DYRK1A: variants seen among roughly 807,000 people sequenced by gnomAD.
DYRK1A encodes dual specificity tyrosine phosphorylation regulated kinase 1A.
Under a neutral mutation model 79.7 loss-of-function variants are expected in DYRK1A, and 9 were observed. That is an observed-to-expected ratio of 0.11 (90% CI 0.07 to 0.20). The LOEUF is 0.20. DYRK1A is among the 10% of genes least tolerant of loss of function. The pLI is 1.00. For synonymous variants in DYRK1A, 349 were observed against 329.7 expected (o/e 1.06, Z -0.63); for missense variants, 622 against 956.0 (o/e 0.65, Z 4.61).
intron 2 of DYRK1A, among the ~76,000 whole-genome samples, chr21:37,459,118 A>T (rs2051756365): frequency 6.6e-6 from 1 of 152,154 alleles, no homozygotes; most frequent in Non-Finnish European, 1.5e-5. Flanking sequence ...TGAAATCAAG[A>T]CGTCTGATAA....
In DYRK1A at chr21:37,482,555, C is replaced by T. The variant is rs182543014; in HGVS notation, c.489+1729C>T. Among the ~76,000 whole-genome samples the T allele has an allele frequency of 2.0e-3, 310 of 152,232 alleles. 5 individuals carry two copies. Among genetic ancestry groups the T allele is most frequent in the Non-Finnish European group, 1.7e-3 (115 of 68,006 alleles). On this transcript the variant is annotated intron_variant, in intron 5 of 11. Transcript: ENST00000647188. ...TGGAGGCAGGGCGAGATCGCAGGAC[C>T]ACAGGACCAGGGCGAAATTAAAATT...
intron 1 of DYRK1A, among the ~76,000 whole-genome samples, chr21:37,403,066 A>G (rs2050081933): frequency 6.6e-6 from 1 of 151,958 alleles, no homozygotes; most frequent in Non-Finnish European, 1.5e-5. Context: ...TCCCTGGCCT[A>G]GATTAGATAG....
chr21:37,368,726 T>A (rs903464400), intron 1 of DYRK1A, among the ~76,000 whole-genome samples: 1 of 152,138 alleles, frequency 6.6e-6, no homozygotes, highest in Non-Finnish European at 1.5e-5. Context: ...TGGTCTAAGG[T>A]CATACAGCTG....
At chr21:37,392,527 C>T (rs1053883404) in intron 1 of DYRK1A, among the ~76,000 whole-genome samples, 7 of 152,312 alleles carry the variant, frequency 4.6e-5, no homozygotes, top group South Asian at 2.1e-4. Flanking sequence ...AAGGCACCAG[C>T]GGATTCGGTG....
At position 37,499,537 on chromosome 21, in the gene DYRK1A, G is replaced by C. The variant is rs139353885; in HGVS notation, c.1212+3279G>C. On this transcript the variant is annotated intron_variant, in intron 9 of 11. Coordinates refer to ENST00000647188, the MANE Select transcript of DYRK1A (RefSeq NM_001347721.2). ...AAAATGGACATCTTAACAATATTAA[G>C]TCTTCCACTCTGTAAAGATGGGTTA... Among the ~76,000 whole-genome samples the C allele has an allele frequency of 6.7e-3, 1,021 of 152,228 alleles. 7 individuals carry two copies. The highest frequency in any genetic ancestry group is 0.023 in the African/African-American group (951 of 41,548).
At chr21:37,409,500 A>G (rs1022346475) in intron 1 of DYRK1A, among the ~76,000 whole-genome samples, 4 of 152,118 alleles carry the variant, frequency 2.6e-5, no homozygotes, top group Non-Finnish European at 5.9e-5. Flanking sequence ...ATTGTCATGA[A>G]CTTTTTAACT....
intron 6 of DYRK1A, chr21:37,488,704 C>CT: frequency 1.0e-6 from 1 of 985,366 alleles, no homozygotes; most frequent in Non-Finnish European, 1.2e-6. Flanking sequence ...TCAAGTGAAA[C>CT]TAAGTAGATC....
chr21:37,442,769 G>A (rs1259650562), intron 2 of DYRK1A, among the ~76,000 whole-genome samples: 1 of 152,022 alleles, frequency 6.6e-6, no homozygotes, highest in Non-Finnish European at 1.5e-5. Flanking sequence ...CAATTTGGGT[G>A]TCTTAAAAAT....
chr21:37,386,128 AG>A (rs2049755087), intron 1 of DYRK1A, among the ~76,000 whole-genome samples: 2 of 152,334 alleles, frequency 1.3e-5, no homozygotes, highest in South Asian at 4.1e-4. Context: ...TTGATAGGGT[AG>A]GATTCAAACC....
intron 7 of DYRK1A, among the ~76,000 whole-genome samples, chr21:37,490,764 T>A (rs1424623614): frequency 6.6e-6 from 1 of 151,938 alleles, no homozygotes; most frequent in Non-Finnish European, 1.5e-5. Context: ...AGCAATACTT[T>A]GAGTCAAAAG....
At position 37,422,820 on chromosome 21, in the gene DYRK1A, A is replaced by G. The variant is rs1471940339; in HGVS notation, c.10+2436A>G. On this transcript the variant is annotated intron_variant, in intron 2 of 11. Transcript: ENST00000647188. ...CAATAAAGCTGGTGGGAGGAGAGAAAAAAATAGTTTTACTGAACACTAGGC... is the reference window on the plus strand; with the variant it reads ...CAATAAAGCTGGTGGGAGGAGAGAAGAAAATAGTTTTACTGAACACTAGGC... Among the ~76,000 whole-genome samples, 7 of 152,288 alleles carry G rather than the reference A, an allele frequency of 4.6e-5. No individual in the cohort carries two copies. The East Asian group carries it at 9.6e-4, about 21-fold the overall frequency.
chr21:37,402,481 A>G (rs2835713), intron 1 of DYRK1A, among the ~76,000 whole-genome samples: 31,109 of 152,134 alleles, frequency 0.2, 3,412 homozygotes, highest in East Asian at 0.36. Flanking sequence ...GGTAATGACT[A>G]TCTTTATTCC....
intron 8 of DYRK1A, among the ~76,000 whole-genome samples, chr21:37,494,310 C>T (rs2053191969): frequency 1.3e-5 from 2 of 151,318 alleles, no homozygotes; most frequent in African/African-American, 4.9e-5. Flanking sequence ...TGGGCTTAAA[C>T]AATATTAAAA....
chr21:37,439,553 C>T (rs60777827), intron 2 of DYRK1A, among the ~76,000 whole-genome samples: 67,433 of 151,992 alleles, frequency 0.44, 15,699 homozygotes, highest in East Asian at 0.57. Flanking sequence ...CCTCTTTTCA[C>T]GTCACCTGAA....
At chr21:37,480,073 A>G (rs2052582251) in intron 4 of DYRK1A, among the ~76,000 whole-genome samples, 1 of 152,182 alleles carries the variant, frequency 6.6e-6, no homozygotes, top group Non-Finnish European at 1.5e-5. Context: ...CAGAGGGCCT[A>G]TTTATTTTAG....
intron 1 of DYRK1A, among the ~76,000 whole-genome samples, chr21:37,417,173 A>G (rs1159874706): frequency 6.6e-6 from 1 of 151,894 alleles, no homozygotes; most frequent in African/African-American, 2.4e-5. Context: ...TACATTCTGG[A>G]TCTCTGTTTA....
intron 1 of DYRK1A, among the ~76,000 whole-genome samples, chr21:37,378,446 T>G: frequency 6.6e-6 from 1 of 152,172 alleles, no homozygotes; most frequent in Non-Finnish European, 1.5e-5. Flanking sequence ...GCAGGAGAAT[T>G]GCTTGAACCT....
intron 2 of DYRK1A, among the ~76,000 whole-genome samples, chr21:37,465,626 C>T (rs1002458922): frequency 6.6e-6 from 1 of 152,094 alleles, no homozygotes; most frequent in Non-Finnish European, 1.5e-5. Context: ...CACCTGAGGT[C>T]AGGAGTTCAA....
intron 2 of DYRK1A, among the ~76,000 whole-genome samples, chr21:37,460,703 T>C (rs2051811883): frequency 6.6e-6 from 1 of 152,188 alleles, no homozygotes; most frequent in Non-Finnish European, 1.5e-5. Context: ...TTAATTTAAA[T>C]AGGTTTCATT....
Sources: gnomAD v4.1 joint callset for allele counts (sites outside exome capture counted in the v4.1 genomes callset) on GRCh38, gnomAD v4.1.1 for gene constraint, MANE v1.5 for transcripts, NCBI Gene and HGNC (gene_info 2026-07-23, HGNC 2026-07-21) for gene names.